The following WDPCP variants were observed in gnomAD, a reference collection of about 807,000 sequenced individuals.
The protein encoded by WDPCP is WD repeat-containing and planar cell polarity effector protein fritz homolog.
Under a neutral mutation model 93.1 loss-of-function variants are expected in WDPCP, and 71 were observed. The ratio of observed to expected loss-of-function variants is 0.76; its 90% confidence interval spans 0.63 to 0.93. The LOEUF (loss-of-function observed/expected upper bound fraction) is 0.93, where lower values mean the gene tolerates loss of function less well. Ranked by LOEUF, WDPCP falls within the 40% of genes least tolerant of loss-of-function variation. The pLI is 0.00. For missense variants in WDPCP, 844 were observed against 887.4 expected (o/e 0.95, Z 0.62); for synonymous variants, 315 against 315.0 (o/e 1.00, Z 0.00).
At chr2:63,782,815 A>G (rs1199209529) in intron 2 of WDPCP, among the ~76,000 whole-genome samples, 2 of 151,624 alleles carry the variant, frequency 1.3e-5, no homozygotes, top group African/African-American at 4.8e-5. Context: ...ATAAAAGGAC[A>G]ACCTGGAGCC....
At chr2:63,532,642 T>C (rs1201417268) in intron 1 of WDPCP, among the ~76,000 whole-genome samples, 1 of 152,154 alleles carries the variant, frequency 6.6e-6, no homozygotes, top group Non-Finnish European at 1.5e-5. Context: ...TAAAAGCCTT[T>C]ACAGACAAGC....
At chr2:63,803,247 T>C (rs777049719) in intron 2 of WDPCP, among the ~76,000 whole-genome samples, 9 of 152,234 alleles carry the variant, frequency 5.9e-5, no homozygotes, top group Non-Finnish European at 1.3e-4. Flanking sequence ...CAGACAATGC[T>C]GTTAAGTATG....
At chr2:63,627,241 TGATCTG>T in intron 3 of WDPCP, among the ~76,000 whole-genome samples, 1 of 152,354 alleles carries the variant, frequency 6.6e-6, no homozygotes, top group South Asian at 2.1e-4. Context: ...AAGATTGTCA[TGATCTG>T]GAGTTATAAT....
At chr2:63,811,905 C>T (rs1265257838) in intron 2 of WDPCP, among the ~76,000 whole-genome samples, 1 of 152,050 alleles carries the variant, frequency 6.6e-6, no homozygotes, top group East Asian at 1.9e-4. Flanking sequence ...ACTCTATCAC[C>T]CTGGCTGGAG....
At chr2:63,478,545 T>C (rs576519757) in intron 6 of WDPCP, among the ~76,000 whole-genome samples, 2 of 151,956 alleles carry the variant, frequency 1.3e-5, no homozygotes, top group African/African-American at 2.4e-5. Flanking sequence ...ACCATGCAAA[T>C]ACATGGAAAT....
intron 2 of WDPCP, among the ~76,000 whole-genome samples, chr2:63,716,365 C>A (rs1040414675): frequency 6.6e-6 from 1 of 152,120 alleles, no homozygotes; most frequent in Non-Finnish European, 1.5e-5. Flanking sequence ...CAGTAAGCTC[C>A]TCCCTACCCC....
intron 3 of WDPCP, among the ~76,000 whole-genome samples, chr2:63,603,879 A>G (rs1264954745): frequency 6.6e-6 from 1 of 152,098 alleles, no homozygotes; most frequent in East Asian, 1.9e-4. Context: ...CTGGTCTCGA[A>G]CTGTCAACCT....
At chr2:63,285,192 A>G (rs1003397686) in intron 13 of WDPCP, among the ~76,000 whole-genome samples, 1 of 152,258 alleles carries the variant, frequency 6.6e-6, no homozygotes, top group African/African-American at 2.4e-5. Context: ...GCACTTTGGG[A>G]GGCCAAGGGC....
chr2:63,575,362 T>TATATACTGTATATGGTATATACAGC, intron 1 of WDPCP, among the ~76,000 whole-genome samples: 1 of 131,226 alleles, frequency 7.6e-6, no homozygotes, highest in Admixed American at 7.5e-5. Flanking sequence ...GTATATACAG[T>TATATACTGTATATGGTATATACAGC]ATATACAGTA....
chr2:63,264,167 C>G (rs1681896926), intron 13 of WDPCP, among the ~76,000 whole-genome samples: 1 of 152,194 alleles, frequency 6.6e-6, no homozygotes, highest in South Asian at 2.1e-4. Flanking sequence ...GACTATGTTA[C>G]TATATGCTAC....
chr2:63,519,828 C>A (rs1419446284), intron 1 of WDPCP, among the ~76,000 whole-genome samples: 3 of 152,162 alleles, frequency 2.0e-5, no homozygotes, highest in Non-Finnish European at 4.4e-5. Flanking sequence ...AAAACAGTGT[C>A]TTCTTACCTC....
chr2:63,803,465 A>C (rs1670722235), intron 2 of WDPCP, among the ~76,000 whole-genome samples: 1 of 152,174 alleles, frequency 6.6e-6, no homozygotes, highest in South Asian at 2.1e-4. Flanking sequence ...GCATATTCCA[A>C]ATGTAGAAAA....
At chr2:63,662,278 C>T (rs1188232409) in intron 2 of WDPCP, among the ~76,000 whole-genome samples, 2 of 152,118 alleles carry the variant, frequency 1.3e-5, no homozygotes, top group Non-Finnish European at 2.9e-5. Flanking sequence ...ACTTTGGTTT[C>T]CTCATCTGTA....
At chr2:63,129,700 C>A (rs991714715) in intron 17 of WDPCP, among the ~76,000 whole-genome samples, 8 of 152,092 alleles carry the variant, frequency 5.3e-5, no homozygotes, top group African/African-American at 1.9e-4. Flanking sequence ...ATGTGATTTG[C>A]AAATACAGTT....
intron 14 of WDPCP, among the ~76,000 whole-genome samples, chr2:63,222,085 A>G (rs1677886210): frequency 1.3e-5 from 2 of 152,266 alleles, no homozygotes; most frequent in Middle Eastern, 3.4e-3. Flanking sequence ...TCTTGCAGGC[A>G]ATTCACCTGT....
At chr2:63,296,200 T>G (rs1476416522) in intron 13 of WDPCP, among the ~76,000 whole-genome samples, 2 of 122,684 alleles carry the variant, frequency 1.6e-5, no homozygotes, top group Non-Finnish European at 3.3e-5. Flanking sequence ...TATGATCATC[T>G]CAGTAGATGC....
At chr2:63,391,938 A>G (rs1352664935) in intron 10 of WDPCP, among the ~76,000 whole-genome samples, 1 of 152,192 alleles carries the variant, frequency 6.6e-6, no homozygotes. Context: ...AAGAATCAAT[A>G]TCGTGAAAAT....
chr2:63,791,355 A>G (rs769192898), intron 2 of WDPCP, among the ~76,000 whole-genome samples: 4 of 152,160 alleles, frequency 2.6e-5, no homozygotes, highest in Non-Finnish European at 4.4e-5. Flanking sequence ...TCCGTTCCTT[A>G]CTTAGTATTC....
intron 14 of WDPCP, among the ~76,000 whole-genome samples, chr2:63,207,140 C>T (rs572585235): frequency 6.6e-6 from 1 of 152,286 alleles, no homozygotes; most frequent in South Asian, 2.1e-4. Flanking sequence ...TTATGCTTAT[C>T]ACTAGTCCTT....
Sources: gnomAD v4.1 joint callset for allele counts (sites outside exome capture counted in the v4.1 genomes callset) on GRCh38, gnomAD v4.1.1 for gene constraint, MANE v1.5 for transcripts, NCBI Gene and HGNC (gene_info 2026-07-23, HGNC 2026-07-21) for gene names.